Variants in PTH2R observed in about 807,000 individuals in gnomAD.
The protein encoded by PTH2R is parathyroid hormone 2 receptor.
PTH2R carries 59 observed loss-of-function variants against 60.3 expected under a neutral mutation model. The observed-to-expected ratio is 0.98, with a 90% confidence interval of 0.79 to 1.22. PTH2R has a LOEUF of 1.22. PTH2R is among the 50% of genes most tolerant of loss of function. The pLI, the probability that PTH2R is intolerant of heterozygous loss-of-function variation, is 0.00. For missense variants in PTH2R, 749 were observed against 682.6 expected (o/e 1.10, Z -1.08); for synonymous variants, 256 against 243.8 (o/e 1.05, Z -0.47).
At chr2:208,415,791 A>C (rs2105840783) in intron 1 of PTH2R, among the ~76,000 whole-genome samples, 1 of 152,338 alleles carries the variant, frequency 6.6e-6, no homozygotes, top group East Asian at 1.9e-4. Flanking sequence ...TCTTTTAAAA[A>C]ATGAGGCTGC....
intron 9 of PTH2R, among the ~76,000 whole-genome samples, chr2:208,463,315 C>T (rs1381365055): frequency 1.3e-5 from 2 of 152,078 alleles, no homozygotes; most frequent in African/African-American, 4.8e-5. Context: ...CCATACTGTT[C>T]CCCCTGCTTG....
At chr2:208,489,984 C>A (rs1373494538) in intron 11 of PTH2R, among the ~76,000 whole-genome samples, 1 of 152,178 alleles carries the variant, frequency 6.6e-6, no homozygotes, top group African/African-American at 2.4e-5. Flanking sequence ...ACTTGAGTAT[C>A]ACTCTCAGAG....
chr2:208,410,433 T>G (rs993216868), intron 1 of PTH2R, among the ~76,000 whole-genome samples: 5 of 152,178 alleles, frequency 3.3e-5, no homozygotes, highest in Admixed American at 6.5e-5. Context: ...CACTGCTTAG[T>G]GACATTATGT....
intron 9 of PTH2R, among the ~76,000 whole-genome samples, chr2:208,463,446 C>T (rs1169342868): frequency 1.3e-5 from 2 of 152,172 alleles, no homozygotes; most frequent in African/African-American, 4.8e-5. Flanking sequence ...TCGTTAGCAT[C>T]CCAGGTCTGC....
At chr2:208,375,017 G>A (rs4675764) in intron 1 of PTH2R, among the ~76,000 whole-genome samples, 73,262 of 151,904 alleles carry the variant, frequency 0.48, 18,861 homozygotes, top group Admixed American at 0.57. Flanking sequence ...GGTCTATTTT[G>A]TTGACACAGG....
chr2:208,482,791 T>C (rs559711991), intron 10 of PTH2R, among the ~76,000 whole-genome samples: 1 of 151,992 alleles, frequency 6.6e-6, no homozygotes, highest in Admixed American at 6.6e-5. Flanking sequence ...ATCTTATCCA[T>C]ATGGACAGGC....
intron 2 of PTH2R, among the ~76,000 whole-genome samples, chr2:208,430,039 A>G (rs562596241): frequency 1.8e-4 from 27 of 152,224 alleles, no homozygotes; most frequent in Admixed American, 1.6e-3. Flanking sequence ...ATTGATTGAG[A>G]CATTTTTCTC....
At chr2:208,482,817 G>A (rs531904079) in intron 10 of PTH2R, among the ~76,000 whole-genome samples, 27 of 152,170 alleles carry the variant, frequency 1.8e-4, no homozygotes, top group African/African-American at 3.1e-4. Context: ...CCATGCGTCC[G>A]TTTATAGGCT....
intron 1 of PTH2R, among the ~76,000 whole-genome samples, chr2:208,426,622 A>G (rs1701862737): frequency 6.6e-6 from 1 of 152,118 alleles, no homozygotes; most frequent in Admixed American, 6.5e-5. Context: ...GGTTTCCCCC[A>G]TGCTGTTCTG....
At position 208,487,600 on chromosome 2, in the gene PTH2R, C is replaced by T. The variant is rs114939991; in HGVS notation, c.1077-1412C>T. On this transcript the variant is annotated intron_variant, in intron 10 of 12. Coordinates refer to ENST00000272847, the MANE Select transcript of PTH2R (RefSeq NM_005048.4). ...GCAAAAGGAATGACCACAAACCTAG[C>T]GGCTTAAAACAACTCCCTTGCTATT... Among the ~76,000 whole-genome samples the T allele has an allele frequency of 7.7e-3, 1,179 of 152,290 alleles. 19 individuals carry two copies. The highest frequency in any genetic ancestry group is 0.026 in the African/African-American group (1,087 of 41,560).
chr2:208,404,518 T>G (rs1338398849), upstream of PTH2R, among the ~76,000 whole-genome samples: 1 of 152,206 alleles, frequency 6.6e-6, no homozygotes, highest in African/African-American at 2.4e-5. Flanking sequence ...GAAAGTATTT[T>G]GCAAATACCA....
At chr2:208,462,141 T>G (rs560438950) in intron 9 of PTH2R, among the ~76,000 whole-genome samples, 6 of 152,352 alleles carry the variant, frequency 3.9e-5, no homozygotes, top group Non-Finnish European at 8.8e-5. Context: ...TTGAAGGCTC[T>G]TAACTTACTC....
In PTH2R at chr2:208,489,091, T is replaced by G. The variant is rs1016283371; in HGVS notation, c.1156T>G (p.Phe386Val). 1.2e-6 allele frequency: 2 copies of G among 1,614,164 alleles called. No homozygotes were observed. The highest frequency in any genetic ancestry group is 1.7e-6 in the Non-Finnish European group (2 of 1,180,020). Residue 386 changes from phenylalanine to valine, a missense_variant, in exon 11 of 13, where the codon TTC (phenylalanine) becomes GTC (valine). Transcript: ENST00000272847. ...YIVFVCLPHS[F>V]TGLGWEIRMH... is the part of the protein sequence containing the mutation. The stretch of plus-strand genomic sequence containing the variant: ...CGTGTTCGTATGCCTGCCTCACTCC[T>G]TCACTGGGCTCGGGTGGGAGATCCG...
At chr2:208,481,614 A>G (rs1703154874) in intron 10 of PTH2R, among the ~76,000 whole-genome samples, 1 of 152,198 alleles carries the variant, frequency 6.6e-6, no homozygotes, top group Admixed American at 6.5e-5. Flanking sequence ...TCAGAAAAGC[A>G]TATATATATT....
intron 1 of PTH2R, among the ~76,000 whole-genome samples, chr2:208,393,145 T>C (rs945153347): frequency 1.3e-5 from 2 of 152,212 alleles, no homozygotes; most frequent in African/African-American, 4.8e-5. Flanking sequence ...GGCCTCCTCC[T>C]GATCCCTATT....
chr2:208,382,313 G>A (rs1700930241), intron 1 of PTH2R, among the ~76,000 whole-genome samples: 1 of 151,964 alleles, frequency 6.6e-6, no homozygotes, highest in Admixed American at 6.6e-5. Context: ...CATATCTCTT[G>A]GGTAAATATA....
intron 9 of PTH2R, among the ~76,000 whole-genome samples, chr2:208,472,654 AC>A (rs1349301261): frequency 6.6e-6 from 1 of 152,058 alleles, no homozygotes; most frequent in South Asian, 2.1e-4. Context: ...AGTCCATTAA[AC>A]CTTTTTTTTG....
intron 1 of PTH2R, among the ~76,000 whole-genome samples, chr2:208,391,518 G>A (rs1407521765): frequency 4.6e-5 from 7 of 152,256 alleles, no homozygotes; most frequent in Middle Eastern, 6.8e-3. Flanking sequence ...GCTGAGAGCT[G>A]CTGCTTTGAG....
At chr2:208,420,142 G>C (rs966790015) in intron 1 of PTH2R, among the ~76,000 whole-genome samples, 3 of 152,028 alleles carry the variant, frequency 2.0e-5, no homozygotes, top group African/African-American at 4.8e-5. Flanking sequence ...TTGTGGGGTG[G>C]GGGGAGTGGG....
Sources: allele counts gnomAD v4.1 joint callset (sites outside exome capture counted in the v4.1 genomes callset), GRCh38; gene constraint gnomAD v4.1.1; transcripts MANE v1.5; gene names NCBI Gene and HGNC (gene_info 2026-07-23, HGNC 2026-07-21).